Variants in ROCK1 observed in about 807,000 individuals in gnomAD.
ROCK1 encodes Rho associated coiled-coil containing protein kinase 1, also known as rho-associated protein kinase 1.
Under a neutral mutation model 196.8 loss-of-function variants are expected in ROCK1, and 36 were observed. The observed-to-expected ratio is 0.18, with a 90% CI of 0.14 to 0.24. The LOEUF (loss-of-function observed/expected upper bound fraction) is 0.24, where lower values mean the gene tolerates loss of function less well. ROCK1 is among the 10% of genes least tolerant of loss of function. ROCK1 has a pLI of 1.00. For synonymous variants in ROCK1, 443 were observed against 515.9 expected, an observed-to-expected ratio of 0.86 and a Z score of 1.91; for missense variants, 920 against 1,562.0, an observed-to-expected ratio of 0.59 and a Z score of 6.93.
intron 2 of ROCK1, among the ~76,000 whole-genome samples, chr18:21,060,118 G>A (rs142577200): frequency 6.8e-4 from 104 of 152,230 alleles, no homozygotes; most frequent in African/African-American, 2.4e-3. Flanking sequence ...CTGTGGTAAT[G>A]GTTGCACAAC....
intron 16 of ROCK1, among the ~76,000 whole-genome samples, chr18:21,000,255 C>T (rs2035711656): frequency 6.6e-6 from 1 of 150,436 alleles, no homozygotes; most frequent in Non-Finnish European, 1.5e-5. Flanking sequence ...TATCTATAGT[C>T]AATTGATTTT....
intron 9 of ROCK1, among the ~76,000 whole-genome samples, chr18:21,029,180 A>T (rs940153427): frequency 6.6e-6 from 1 of 152,220 alleles, no homozygotes; most frequent in East Asian, 1.9e-4. Context: ...CCTTGGGTTT[A>T]ACTTGACTAT....
Position 21,047,467 on chromosome 18 carries a change from T to C in ROCK1, c.414+1625A>G, listed in dbSNP as rs532791167. On this transcript the variant is annotated intron_variant, in intron 4 of 32. Transcript: ENST00000399799. ...TAAGCCTGAGAAACTCTGATCTACA[T>C]AGTTGGTAAAAACATAGACATTTCA... Among the ~76,000 whole-genome samples, 3 of 152,224 alleles carry C rather than the reference T, an allele frequency of 2.0e-5. No individual in the cohort carries two copies. In the South Asian group the frequency reaches 6.2e-4, roughly 32 times the overall value.
At chr18:21,065,921 C>A (rs2036330619) in intron 2 of ROCK1, among the ~76,000 whole-genome samples, 1 of 152,176 alleles carries the variant, frequency 6.6e-6, no homozygotes, top group South Asian at 2.1e-4. Flanking sequence ...TATAATTAAA[C>A]CTGATGATTA....
At position 20,974,547 on chromosome 18, in the gene ROCK1, T is replaced by C. The variant is rs377723270; in HGVS notation, c.2655-4034A>G. On this transcript the variant is annotated intron_variant, in intron 22 of 32. Transcript: ENST00000399799. ...AGAGAAAAAGCAAGAAAGAATTAGA[T>C]GGTTCAGGGTAAAATTACCTGCATC... Among the ~76,000 whole-genome samples, 17 of 152,314 alleles carry C rather than the reference T, an allele frequency of 1.1e-4. No individual in the cohort carries two copies. The South Asian group carries it at 3.3e-3, about 30-fold the overall frequency.
At chr18:21,037,322 T>C (rs151237386) in intron 9 of ROCK1, among the ~76,000 whole-genome samples, 1,565 of 152,226 alleles carry the variant, frequency 0.01, 98 homozygotes, top group Admixed American at 0.096. Flanking sequence ...TTAATTGCCA[T>C]TGCAATGTGG....
chr18:21,072,205 G>A (rs551707464), intron 1 of ROCK1, among the ~76,000 whole-genome samples: 1 of 152,312 alleles, frequency 6.6e-6, no homozygotes, highest in South Asian at 2.1e-4. Context: ...AATGAAAAAT[G>A]AGCTGCCTCC....
chr18:20,947,583 TGA>T lies in ROCK1; in HGVS notation c.*3799_*3800del, dbSNP rs2035141096. On this transcript the variant is annotated 3_prime_UTR_variant, in exon 33 of 33. Transcript: ENST00000399799. ...CAGGCACGGTGGCCTACACCTGTAA[TGA>T]GAGAGTAAAACTGCTTGAGGCTAGG... is the stretch of plus-strand genomic sequence containing the variant. 6.6e-6 allele frequency: 1 copy of T among 152,110 alleles called. No homozygotes were observed. The highest frequency in any genetic ancestry group is 6.6e-5 in the Admixed American group (1 of 15,266). The allele number at this position is 152,110 out of a possible 1,614,324, so 9.4% of individuals were successfully genotyped here. A position where few individuals can be genotyped will look rare whatever the true frequency, so the allele number is the denominator to read the frequency against.
intron 29 of ROCK1, among the ~76,000 whole-genome samples, chr18:20,959,086 TTTATATAATATATATATTATATATATA>T (rs1465209670): frequency 3.4e-4 from 10 of 29,768 alleles, no homozygotes; most frequent in Admixed American, 7.8e-4. Context: ...ATATATATAT[TTTATATAATATATATATTATATATATA>T]TTATATAATA....
intron 8 of ROCK1, among the ~76,000 whole-genome samples, chr18:21,040,296 C>T (rs146107725): frequency 0.012 from 1,802 of 152,170 alleles, 25 homozygotes; most frequent in Non-Finnish European, 0.014. Flanking sequence ...CAAAAACCTC[C>T]AGAAACACAT....
At chr18:20,978,707 A>G (rs1215697152) in intron 22 of ROCK1, among the ~76,000 whole-genome samples, 2 of 152,362 alleles carry the variant, frequency 1.3e-5, no homozygotes, top group East Asian at 3.9e-4. Context: ...GAACATCTAC[A>G]GGACAAAAAA....
At chr18:21,096,211 T>A (rs1304881709) in intron 1 of ROCK1, among the ~76,000 whole-genome samples, 3 of 152,124 alleles carry the variant, frequency 2.0e-5, no homozygotes, top group Non-Finnish European at 4.4e-5. Flanking sequence ...GAATTTTTTT[T>A]TTTTTTGAGA....
intron 7 of ROCK1, 38 bp downstream of exon 7, chr18:21,042,527 C>A: frequency 6.3e-7 from 1 of 1,586,504 alleles, no homozygotes; most frequent in Non-Finnish European, 8.6e-7. Context: ...TTGAGATGAA[C>A]AACTGTAATA....
intron 22 of ROCK1, among the ~76,000 whole-genome samples, chr18:20,977,528 T>A (rs2035491742): frequency 1.3e-5 from 2 of 152,240 alleles, no homozygotes; most frequent in Non-Finnish European, 2.9e-5. Context: ...TCCTTTGGCA[T>A]AGCCACTATA....
In ROCK1 at chr18:21,029,762, T is replaced by G. The variant is rs189119962; in HGVS notation, c.1052-827A>C. On this transcript the variant is annotated intron_variant, in intron 9 of 32. Transcript: ENST00000399799. ...AACTAATACTACTAACATCTATTTT[T>G]GGGGCTTGAATGTTACAAGGGGTAC... 7.8e-4 allele frequency among the ~76,000 whole-genome samples: 118 copies of G among 152,246 alleles called. 1 individual carries two copies. The highest frequency in any genetic ancestry group is 2.9e-3 in the South Asian group (14 of 4,816).
At chr18:21,032,596 CTA>C (rs1356278200) in intron 9 of ROCK1, among the ~76,000 whole-genome samples, 3 of 149,492 alleles carry the variant, frequency 2.0e-5, no homozygotes, top group Non-Finnish European at 4.4e-5. Context: ...TCTCAGCTCA[CTA>C]TAACCTGTGC....
chr18:21,026,946 T>TC (rs2035963136), intron 10 of ROCK1, among the ~76,000 whole-genome samples: 1 of 150,810 alleles, frequency 6.6e-6, no homozygotes, highest in Admixed American at 6.6e-5. Flanking sequence ...TTTCTTTTTT[T>TC]TTTTTTTTTT....
At chr18:20,953,927 C>T (rs1294465794) in intron 31 of ROCK1, 142 bp from the exon 32 acceptor site, 2 of 527,204 alleles carry the variant, frequency 3.8e-6, no homozygotes, top group Non-Finnish European at 6.4e-6. Context: ...ATCTCATTCT[C>T]CTTAAGTTAA....
intron 22 of ROCK1, among the ~76,000 whole-genome samples, chr18:20,972,760 C>T (rs1480607244): frequency 6.6e-6 from 1 of 152,006 alleles, no homozygotes; most frequent in Admixed American, 6.6e-5. Context: ...ATGATGAATG[C>T]AAAAGTATGA....
Sources: allele counts gnomAD v4.1 joint callset (sites outside exome capture counted in the v4.1 genomes callset), GRCh38; gene constraint gnomAD v4.1.1; transcripts MANE v1.5; gene names NCBI Gene and HGNC (gene_info 2026-07-23, HGNC 2026-07-21).